Variants in CUX2 observed in about 807,000 individuals in gnomAD.
CUX2 encodes homeobox protein cut-like 2.
Under a neutral mutation model 144.8 loss-of-function variants are expected in CUX2, and 40 were observed. That is an observed-to-expected ratio of 0.28 (90% CI 0.21 to 0.36). The LOEUF (loss-of-function observed/expected upper bound fraction) is 0.36. Among genes scored for constraint, CUX2 ranks in the 10% least tolerant of loss-of-function variants. The probability of loss-of-function intolerance (pLI) is 1.00; values close to 1 mark genes in which losing one functional copy is unlikely to be tolerated. For missense variants in CUX2, 1,615 were observed against 1,994.0 expected (o/e 0.81, Z 3.62); for synonymous variants, 827 against 875.6 (o/e 0.94, Z 0.98).
chr12:111,095,455 T>C (rs1173431004), intron 1 of CUX2, among the ~76,000 whole-genome samples: 1 of 151,720 alleles, frequency 6.6e-6, no homozygotes, highest in East Asian at 1.9e-4. Context: ...TGAGACCCTA[T>C]CTCAAAGAAA....
At chr12:111,338,790 G>C (rs1401194788) in intron 20 of CUX2, among the ~76,000 whole-genome samples, 1 of 152,076 alleles carries the variant, frequency 6.6e-6, no homozygotes, top group Non-Finnish European at 1.5e-5. Flanking sequence ...AGGATCACTT[G>C]GGAGGCTAAG....
intron 1 of CUX2, among the ~76,000 whole-genome samples, chr12:111,170,868 G>A (rs950924364): frequency 3.3e-5 from 5 of 152,108 alleles, no homozygotes; most frequent in Admixed American, 2.0e-4. Context: ...TAGGAAGGCC[G>A]AGGTGGAGGG....
intron 4 of CUX2, among the ~76,000 whole-genome samples, chr12:111,280,890 A>T (rs1565889313): frequency 6.6e-6 from 1 of 152,088 alleles, no homozygotes; most frequent in Non-Finnish European, 1.5e-5. Flanking sequence ...TCACATTCTG[A>T]TGTTCCAAAT....
At chr12:111,185,190 G>T (rs763123355) in intron 1 of CUX2, among the ~76,000 whole-genome samples, 5 of 152,242 alleles carry the variant, frequency 3.3e-5, no homozygotes, top group Non-Finnish European at 5.9e-5. Context: ...CAGAATAAAG[G>T]TGGGCACCTC....
intron 1 of CUX2, chr12:111,100,145 A>G: frequency 2.3e-6 from 1 of 441,826 alleles, no homozygotes; most frequent in Non-Finnish European, 4.6e-6. Flanking sequence ...CCGAGGGTTG[A>G]GAGGACTTGG....
At chr12:111,056,270 C>T (rs1377980120) in intron 1 of CUX2, among the ~76,000 whole-genome samples, 1 of 152,222 alleles carries the variant, frequency 6.6e-6, no homozygotes. Flanking sequence ...TAGCAAGCCA[C>T]CCCAAACTTA....
At position 111,114,891 on chromosome 12, in the gene CUX2, A is replaced by G. The variant is rs535416793; in HGVS notation, c.63+80651A>G. Among the ~76,000 whole-genome samples, 7 of 152,216 alleles carry G rather than the reference A, an allele frequency of 4.6e-5. No individual in the cohort carries two copies. In the East Asian group the frequency reaches 1.2e-3, roughly 25 times the overall value. ...TTTTCTTTTTTCTTTATGGATATCC[A>G]TTTGTTCTAGCACCATTTGCTGGAA... On this transcript the variant is annotated intron_variant, in intron 1 of 21. Transcript: ENST00000261726.
intron 3 of CUX2, among the ~76,000 whole-genome samples, chr12:111,259,031 CTGTGTGTGTGTGTGTGTGTG>C (rs57814010): frequency 1.5e-5 from 2 of 132,306 alleles, no homozygotes; most frequent in Non-Finnish European, 3.2e-5. Context: ...CCACACCCAG[CTGTGTGTGTGTGTGTGTGTG>C]TGTGTGTGTG....
At chr12:111,123,736 A>G (rs575220425) in intron 1 of CUX2, among the ~76,000 whole-genome samples, 2 of 151,180 alleles carry the variant, frequency 1.3e-5, no homozygotes, top group Admixed American at 6.6e-5. Context: ...GGGTTTCACT[A>G]TGTTGCCCAG....
chr12:111,048,902 G>C (rs139640251), intron 1 of CUX2, among the ~76,000 whole-genome samples: 1,675 of 152,146 alleles, frequency 0.011, 38 homozygotes, highest in African/African-American at 0.038. Flanking sequence ...TAATCTATGA[G>C]CACCTGTGGA....
At position 111,034,462 on chromosome 12, in the gene CUX2, C is replaced by G. The variant is rs934918281; in HGVS notation, c.63+222C>G. Among the ~76,000 whole-genome samples the G allele has an allele frequency of 1.2e-4, 18 of 151,750 alleles. No individual in the cohort carries two copies. Among genetic ancestry groups the G allele is most frequent in the Non-Finnish European group, 2.7e-4 (18 of 67,848 alleles). ...TCAGTCATCGATTAGCTGCCGCGAC[C>G]ATGGAGAAGCGCTAGTGAGCCCTCG... is the stretch of plus-strand genomic sequence containing the variant. On this transcript the variant is annotated intron_variant, in intron 1 of 21. Coordinates refer to ENST00000261726, the MANE Select transcript of CUX2 (RefSeq NM_015267.4). This position sits in a 1 kb window ranked among gnomAD's most constrained non-coding sequence, Gnocchi z 4.2.
intron 1 of CUX2, among the ~76,000 whole-genome samples, chr12:111,151,114 G>A (rs939823055): frequency 3.9e-5 from 6 of 152,168 alleles, no homozygotes; most frequent in Non-Finnish European, 5.9e-5. Context: ...TTAACACTCC[G>A]GCTGTACTAA....
chr12:111,118,038 T>C (rs118072022), intron 1 of CUX2, among the ~76,000 whole-genome samples: 19 of 152,310 alleles, frequency 1.2e-4, no homozygotes, highest in Middle Eastern at 3.4e-3. Flanking sequence ...GCAGTTTCAG[T>C]TGGTGATGAC....
rs753498518 is a variant in CUX2 at position 111,347,631 on chromosome 12, C to G, written c.3767C>G (p.Pro1256Arg). The G allele has an allele frequency of 6.2e-7, 1 of 1,613,584 alleles. No homozygotes were observed. Among genetic ancestry groups the G allele is most frequent in the African/African-American group, 1.3e-5 (1 of 74,842 alleles). Reference protein sequence around the residue: ...ILPPGHSHPDPTPQSPDSETE... With the variant: ...ILPPGHSHPDRTPQSPDSETE... ...CCGCCAGGCCACTCCCACCCAGACC[C>G]CACCCCGCAGAGCCCTGACTCTGAG... Residue 1256 changes from proline to arginine, a missense_variant, in exon 22 of 22, where the codon CCC (proline) becomes CGC (arginine). By Grantham distance (103) the Pro-to-Arg change is moderately radical. Transcript: ENST00000261726.
chr12:111,303,450 A>G (rs1426522570), intron 9 of CUX2, among the ~76,000 whole-genome samples: 1 of 151,966 alleles, frequency 6.6e-6, no homozygotes, highest in African/African-American at 2.4e-5. Flanking sequence ...AGCCTGGCCA[A>G]CATGGTGAAA....
intron 1 of CUX2, among the ~76,000 whole-genome samples, chr12:111,140,789 TTACAC>T (rs1780607677): frequency 6.6e-6 from 1 of 152,202 alleles, no homozygotes. Context: ...CTTTGGCAGT[TTACAC>T]TACCTCTCTG....
intron 6 of CUX2, among the ~76,000 whole-genome samples, chr12:111,294,084 G>T (rs892987205): frequency 6.6e-6 from 1 of 152,210 alleles, no homozygotes. Context: ...CTGTAATCCC[G>T]ACACTTTGGG....
chr12:111,035,613 CTTTT>C lies in CUX2; in HGVS notation c.63+1386_63+1389del, dbSNP rs60539275. Among the ~76,000 whole-genome samples the C allele has an allele frequency of 7.4e-6, 1 of 135,146 alleles. No individual in the cohort carries two copies. 88.7% of individuals were successfully genotyped at this position (135,146 alleles called of 152,430 possible). A position where few individuals can be genotyped will look rare whatever the true frequency, so the allele number is the denominator to read the frequency against. The stretch of plus-strand genomic sequence containing the variant: ...CAGTCTGGAGATAAAAAGGGACCCA[CTTTT>C]TTTTTTTTTTTTAATCCGCCGGCAA... On this transcript the variant is annotated intron_variant, in intron 1 of 21. Coordinates refer to ENST00000261726, the MANE Select transcript of CUX2 (RefSeq NM_015267.4). The surrounding 1 kb of genome is among the most constrained non-coding windows in gnomAD (Gnocchi z 6.0).
chr12:111,162,354 C>G (rs1228830120), intron 1 of CUX2, among the ~76,000 whole-genome samples: 8 of 152,322 alleles, frequency 5.3e-5, no homozygotes, highest in Non-Finnish European at 7.3e-5. Context: ...GCTCTGGGAC[C>G]AGAGCTGGTG....
Sources: allele counts gnomAD v4.1 joint callset (sites outside exome capture counted in the v4.1 genomes callset), GRCh38; gene constraint gnomAD v4.1.1; non-coding constraint Gnocchi (gnomAD v3.1); transcripts MANE v1.5; gene names NCBI Gene and HGNC (gene_info 2026-07-23, HGNC 2026-07-21).